The following ZFYVE26 variants were observed in gnomAD, a reference collection of about 807,000 sequenced individuals.
The protein encoded by ZFYVE26 is zinc finger FYVE-type containing 26.
A neutral mutation model predicts 276.5 loss-of-function variants in ZFYVE26; 181 were observed. The ratio of observed to expected loss-of-function variants is 0.65; its 90% CI spans 0.58 to 0.74. ZFYVE26 has a LOEUF of 0.74. Ranked by LOEUF, ZFYVE26 falls within the 30% of genes least tolerant of loss-of-function variation. The pLI, the probability that ZFYVE26 is intolerant of heterozygous loss-of-function variation, is 0.00. For synonymous variants in ZFYVE26, 1,129 were observed against 1,203.1 expected (o/e 0.94, Z 1.27); for missense variants, 2,821 against 3,097.9 (o/e 0.91, Z 2.12).
Position 67,807,686 on chromosome 14 carries a change from C to A in ZFYVE26, c.598G>T (p.Ala200Ser), listed in dbSNP as rs372685061. The stretch of plus-strand genomic sequence containing the variant: ...TCAGGGCCCTGCAAAGCCCGCAATG[C>A]CTTTCGAATGAGGTCCACCAGTGCA... ...QNALVDLIRK[A>S]LRALQGPDSV... The change falls in exon 5 of 42, where the codon GCA (alanine) becomes TCA (serine). Residue 200 changes from alanine (A) to serine (S), a missense_variant. Transcript: ENST00000347230. The A allele has an allele frequency of 3.7e-6, 6 of 1,614,076 alleles. No individual in the cohort carries two copies. In the African/African-American group the frequency reaches 8.0e-5, roughly 22 times the overall value.
At position 67,809,226 on chromosome 14, in the gene ZFYVE26, C is replaced by G; in HGVS notation, c.337G>C (p.Gly113Arg). The change falls in exon 4 of 42, where the codon GGT becomes CGT. Residue 113 changes from glycine to arginine, a missense_variant. Coordinates refer to ENST00000347230, the MANE Select transcript of ZFYVE26 (RefSeq NM_015346.4). Reference protein sequence around the residue: ...EFLLLSEDLQGDIPENILEEL... With the variant: ...EFLLLSEDLQRDIPENILEEL... ...TCGAGGATGTTCTCTGGAATGTCAC[C>G]TTGGAGGTCTTCTGACAATAAAAGA... 1 of 1,614,066 alleles carries G rather than the reference C, an allele frequency of 6.2e-7. No individual in the cohort carries two copies. Among genetic ancestry groups the G allele is most frequent in the Non-Finnish European group, 8.5e-7 (1 of 1,180,004 alleles).
chr14:67,797,523 C>G, intron 12 of ZFYVE26, 149 bp downstream of exon 12: 1 of 853,414 alleles, frequency 1.2e-6, no homozygotes, highest in Non-Finnish European at 1.9e-6. Flanking sequence ...ACATAGGAAA[C>G]TATTAACAAG....
At chr14:67,804,374 G>A in intron 8 of ZFYVE26, 110 bp from the exon 9 acceptor site, 2 of 1,334,244 alleles carry the variant, frequency 1.5e-6, no homozygotes, top group Non-Finnish European at 2.1e-6. Context: ...AATGCCACAG[G>A]CTTCCCTTCC....
Position 67,748,381 on chromosome 14 carries a change from A to G in ZFYVE26, c.*55T>C. The stretch of plus-strand genomic sequence containing the variant: ...GAGGAAAGAGGTGGAGGGCATCGCC[A>G]TCACTGCTGTTGCCCAGCTCTCAGG... On this transcript the variant is annotated 3_prime_UTR_variant, in exon 42 of 42. Coordinates refer to ENST00000347230, the MANE Select transcript of ZFYVE26 (RefSeq NM_015346.4). The G allele has an allele frequency of 6.3e-7, 1 of 1,581,558 alleles. No individual in the cohort carries two copies. The highest frequency in any genetic ancestry group is 2.3e-4 in the Middle Eastern group (1 of 4,384).
intron 18 of ZFYVE26, 33 bp from the exon 19 acceptor site, chr14:67,785,310 G>A: frequency 1.3e-6 from 2 of 1,544,966 alleles, no homozygotes; most frequent in South Asian, 1.2e-5. Context: ...AAGGACACAG[G>A]CTTCAGTCTG....
At chr14:67,771,959 A>G in intron 28 of ZFYVE26, 88 bp downstream of exon 28, 2 of 1,508,298 alleles carry the variant, frequency 1.3e-6, no homozygotes, top group Non-Finnish European at 1.8e-6. Flanking sequence ...TCTCCTGGGG[A>G]CAGGCGGTGA....
intron 41 of ZFYVE26, among the ~76,000 whole-genome samples, chr14:67,749,447 C>T (rs375859438): frequency 3.3e-5 from 5 of 152,134 alleles, no homozygotes; most frequent in Non-Finnish European, 7.4e-5. Context: ...AGACAAAAGT[C>T]CCTTCCTTTC....
At chr14:67,742,494 T>A (rs546188671), downstream of ZFYVE26, among the ~76,000 whole-genome samples, 1 of 152,348 alleles carries the variant, frequency 6.6e-6, no homozygotes, top group East Asian at 1.9e-4. Flanking sequence ...ACCTCAATAT[T>A]ATAGAGAAGT....
In ZFYVE26 at chr14:67,793,597, C is replaced by T. The variant is rs772296295; in HGVS notation, c.2553+11G>A. On this transcript the variant is annotated intron_variant, in intron 14 of 41. Transcript: ENST00000347230. ...TCATTCAGGGGCTGAAAAGGTATGG[C>T]CTCCCCTCACCTGATGGGCTTCTGC... is the stretch of plus-strand genomic sequence containing the variant. 3 of 1,612,764 alleles carry T rather than the reference C, an allele frequency of 1.9e-6. No individual in the cohort carries two copies. Among genetic ancestry groups the T allele is most frequent in the Admixed American group, 1.7e-5 (1 of 59,842 alleles).
In ZFYVE26 at chr14:67,729,134, G is replaced by T. The variant is rs1345183353; in HGVS notation, n.3288+77C>A. The T allele has an allele frequency of 1.9e-6, 3 of 1,552,992 alleles. No homozygotes were observed. In the African/African-American group the frequency reaches 4.1e-5, roughly 21 times the overall value. ...TTGTGTATTTTGCTGCAGGAGATAA[G>T]CTGTTTTCCTGGGCTCAGAGTGTGT... On this transcript the variant is annotated intron_variant and non_coding_transcript_variant, in intron 14 of 14. Transcript: ENST00000394455.
chr14:67,807,398 C>A lies in ZFYVE26; in HGVS notation c.886G>T (p.Val296Phe), dbSNP rs755922794. 5 of 1,614,026 alleles carry A rather than the reference C, an allele frequency of 3.1e-6. No homozygotes were observed. In the South Asian group the frequency reaches 3.3e-5, roughly 11 times the overall value. Residue 296 changes from valine to phenylalanine, a missense_variant and splice_region_variant, in exon 5 of 42, where the codon GTC becomes TTC. By Grantham distance (50) the Val-to-Phe change is conservative (BLOSUM62 -1). Coordinates refer to ENST00000347230, the MANE Select transcript of ZFYVE26 (RefSeq NM_015346.4). The part of the protein sequence containing the change: ...KPPRATASGK[V>F]SPDHLDPERA... ...AGGAGCAGCAGCAAAGGGAACACAC[C>A]TTTTCCCGAGGCTGTAGCCCTCGGT...
At chr14:67,753,660 T>A (rs79619754) in intron 39 of ZFYVE26, 47 bp downstream of exon 39, 2 of 1,581,628 alleles carry the variant, frequency 1.3e-6, no homozygotes, top group East Asian at 4.5e-5. Context: ...GGAACTGTGG[T>A]CAGGTGCTGA....
chr14:67,808,744 G>A (rs946965145), intron 4 of ZFYVE26, among the ~76,000 whole-genome samples: 2 of 151,924 alleles, frequency 1.3e-5, no homozygotes, highest in South Asian at 2.1e-4. Context: ...ATTAACTGGT[G>A]TCAGGGTCAT....
chr14:67,789,248 C>A, intron 16 of ZFYVE26, 87 bp downstream of exon 16: 1 of 1,587,336 alleles, frequency 6.3e-7, no homozygotes, highest in Admixed American at 1.7e-5. Flanking sequence ...CCTCCAATAA[C>A]TGCTTTCTTC....
chr14:67,771,814 T>A (rs576157710), intron 28 of ZFYVE26, among the ~76,000 whole-genome samples: 1 of 152,328 alleles, frequency 6.6e-6, no homozygotes, highest in East Asian at 1.9e-4. Context: ...TATTATCTCA[T>A]GACAATGGCA....
rs112366805 is a variant in ZFYVE26, at chr14:67,737,138, A to G, written n.2680-7319T>C. Among the ~76,000 whole-genome samples the G allele has an allele frequency of 8.5e-4, 105 of 123,638 alleles. 1 individual carries two copies. The highest frequency in any genetic ancestry group is 3.2e-3 in the African/African-American group (103 of 31,942). 81.1% of individuals were successfully genotyped at this position (123,638 alleles called of 152,430 possible). On this transcript the variant is annotated intron_variant and non_coding_transcript_variant, in intron 13 of 14. Coordinates refer to the ZFYVE26 transcript ENST00000394455. ...GAGACAAGGTCTCTCTCTGTTGCCC[A>G]TGCTGGCCTTGAATTCCTGGGCTCA...
chr14:67,755,661 C>G (rs188436325), intron 36 of ZFYVE26, among the ~76,000 whole-genome samples: 1 of 152,210 alleles, frequency 6.6e-6, no homozygotes, highest in African/African-American at 2.4e-5. Context: ...TCTACATTCA[C>G]GCCTCATGCT....
At chr14:67,761,958 CAT>C (rs2038942115) in intron 34 of ZFYVE26, 1 of 577,618 alleles carries the variant, frequency 1.7e-6, no homozygotes, top group Non-Finnish European at 3.1e-6. Flanking sequence ...GATTATATGT[CAT>C]ATGTCATTTT....
Position 67,746,938 on chromosome 14 carries a change from G to C in ZFYVE26, c.*1498C>G, listed in dbSNP as rs1013727000. 1 of 152,596 alleles carries C rather than the reference G, an allele frequency of 6.6e-6. No individual in the cohort carries two copies. The allele number at this position is 152,596 out of a possible 1,614,324, so 9.5% of individuals were successfully genotyped here. Reference sequence around the variant, plus strand: ...ATTACAGTCTTTCTCCTCTCTAACAGGACCAAAACTTCTCATCTGACAGAT... The same window carrying C: ...ATTACAGTCTTTCTCCTCTCTAACACGACCAAAACTTCTCATCTGACAGAT... On this transcript the variant is annotated 3_prime_UTR_variant, in exon 42 of 42. Transcript: ENST00000347230.
Sources: allele counts gnomAD v4.1 joint callset (sites outside exome capture counted in the v4.1 genomes callset), GRCh38; gene constraint gnomAD v4.1.1; transcripts MANE v1.5; gene names NCBI Gene and HGNC (gene_info 2026-07-23, HGNC 2026-07-21).